Variants in EFCAB11 observed in about 807,000 individuals in gnomAD.
EFCAB11 encodes the protein EF-hand calcium binding domain 11, also known as EF-hand calcium-binding domain-containing protein 11.
A neutral mutation model predicts 23.0 loss-of-function variants in EFCAB11; 14 were observed. That is an observed-to-expected ratio of 0.61 (90% CI 0.40 to 0.95). EFCAB11 has a LOEUF of 0.95. Among genes scored for constraint, EFCAB11 ranks in the 40% least tolerant of loss-of-function variants. The pLI is 0.00. For missense variants in EFCAB11, 198 were observed against 195.8 expected (o/e 1.01, Z -0.07); for synonymous variants, 65 against 66.6 (o/e 0.98, Z 0.11).
chr14:89,887,588 T>C (rs1264756932), intron 5 of EFCAB11, among the ~76,000 whole-genome samples: 1 of 152,208 alleles, frequency 6.6e-6, no homozygotes. Flanking sequence ...GGTATTAAAT[T>C]GAAATAAAGT....
chr14:89,892,547 A>G (rs1889005916), intron 5 of EFCAB11: 1 of 934,790 alleles, frequency 1.1e-6, no homozygotes, highest in Non-Finnish European at 1.6e-6. Flanking sequence ...GGGTTCATAT[A>G]AACAGTATCC....
At chr14:89,935,898 G>C (rs1316357726) in intron 3 of EFCAB11, among the ~76,000 whole-genome samples, 1 of 151,930 alleles carries the variant, frequency 6.6e-6, no homozygotes, top group Non-Finnish European at 1.5e-5. Context: ...ATCCCAGCTA[G>C]TCAGGAGGCT....
chr14:89,946,388 T>C (rs748270765), intron 3 of EFCAB11, among the ~76,000 whole-genome samples: 46 of 152,340 alleles, frequency 3.0e-4, no homozygotes, highest in Non-Finnish European at 4.6e-4. Flanking sequence ...TAAAGTGGGC[T>C]TCTAGGCAAC....
At chr14:89,894,297 G>A (rs191508436) in intron 5 of EFCAB11, among the ~76,000 whole-genome samples, 5 of 151,732 alleles carry the variant, frequency 3.3e-5, no homozygotes, top group African/African-American at 9.7e-5. Context: ...TGTGCGGAAC[G>A]TGCAGGTTTG....
chr14:89,856,045 T>G (rs753707564), intron 5 of EFCAB11, among the ~76,000 whole-genome samples: 2 of 152,210 alleles, frequency 1.3e-5, no homozygotes, highest in Non-Finnish European at 1.5e-5. Flanking sequence ...TCTTAGGTTG[T>G]TTCTATATCT....
chr14:89,899,618 A>G (rs1355956844), intron 5 of EFCAB11, among the ~76,000 whole-genome samples: 1 of 152,266 alleles, frequency 6.6e-6, no homozygotes, highest in East Asian at 1.9e-4. Flanking sequence ...AGAATATGTA[A>G]AGAGCCCCTA....
chr14:89,834,795 G>A (rs946363088), intron 5 of EFCAB11, among the ~76,000 whole-genome samples: 7 of 152,314 alleles, frequency 4.6e-5, no homozygotes, highest in Middle Eastern at 3.4e-3. Context: ...AGAAGTGACT[G>A]CAGCTTAATG....
At chr14:89,918,727 G>A (rs1297642945) in intron 5 of EFCAB11, among the ~76,000 whole-genome samples, 1 of 151,902 alleles carries the variant, frequency 6.6e-6, no homozygotes, top group Non-Finnish European at 1.5e-5. Flanking sequence ...TACAGAGAGA[G>A]CAAGAGATTT....
intron 5 of EFCAB11, among the ~76,000 whole-genome samples, chr14:89,861,990 A>G (rs1887939226): frequency 6.6e-6 from 1 of 152,200 alleles, no homozygotes; most frequent in Non-Finnish European, 1.5e-5. Context: ...TTAAACATGA[A>G]ATTCCTTCTT....
At chr14:89,805,284 C>T (rs964973441) in intron 5 of EFCAB11, among the ~76,000 whole-genome samples, 6 of 152,206 alleles carry the variant, frequency 3.9e-5, no homozygotes, top group Non-Finnish European at 8.8e-5. Flanking sequence ...AGTGGGAGCT[C>T]ACTGGCCTTA....
chr14:89,942,894 T>A (rs1890840387), intron 3 of EFCAB11, among the ~76,000 whole-genome samples: 1 of 152,220 alleles, frequency 6.6e-6, no homozygotes, highest in South Asian at 2.1e-4. Context: ...TGAAATGACC[T>A]ACTTTTCAAG....
chr14:89,923,642 T>C (rs17223607), intron 5 of EFCAB11: 36,164 of 972,252 alleles, frequency 0.037, 728 homozygotes, highest in Middle Eastern at 0.054. Context: ...TTTTTATGGA[T>C]GTTTCTATAC....
intron 5 of EFCAB11, among the ~76,000 whole-genome samples, chr14:89,809,322 T>C (rs917205450): frequency 2.6e-5 from 4 of 152,202 alleles, no homozygotes; most frequent in African/African-American, 9.6e-5. Flanking sequence ...GAGCTCTCCC[T>C]ACCCTTGGGA....
At chr14:89,832,379 G>C (rs1886915336) in intron 5 of EFCAB11, among the ~76,000 whole-genome samples, 1 of 152,070 alleles carries the variant, frequency 6.6e-6, no homozygotes, top group African/African-American at 2.4e-5. Context: ...GTTTTTGCTT[G>C]GCTAGCACAG....
intron 5 of EFCAB11, among the ~76,000 whole-genome samples, chr14:89,829,547 T>C (rs1395921483): frequency 1.3e-5 from 2 of 152,188 alleles, no homozygotes; most frequent in African/African-American, 4.8e-5. Flanking sequence ...GTTGAAGATA[T>C]GAATTGGACA....
chr14:89,885,673 T>C (rs1362048307), intron 5 of EFCAB11, among the ~76,000 whole-genome samples: 1 of 139,422 alleles, frequency 7.2e-6, no homozygotes, highest in Non-Finnish European at 1.5e-5. Flanking sequence ...CAAGACTCTG[T>C]TGAAAAAAAA....
At chr14:89,847,548 T>C (rs1887468901) in intron 5 of EFCAB11, among the ~76,000 whole-genome samples, 1 of 152,016 alleles carries the variant, frequency 6.6e-6, no homozygotes, top group African/African-American at 2.4e-5. Context: ...AAGACCAGCC[T>C]GACCAACATG....
chr14:89,894,394 G>A (rs1418066725), intron 5 of EFCAB11, among the ~76,000 whole-genome samples: 4 of 151,716 alleles, frequency 2.6e-5, no homozygotes, highest in African/African-American at 4.9e-5. Flanking sequence ...TTAGGTATTT[G>A]TCCTAATGCT....
At chr14:89,903,557 T>C (rs934260658) in intron 5 of EFCAB11, among the ~76,000 whole-genome samples, 5 of 145,834 alleles carry the variant, frequency 3.4e-5, no homozygotes, top group Non-Finnish European at 5.9e-5. Context: ...TGTTTCCTTA[T>C]AATGGGTAAA....
Sources: gnomAD v4.1 joint callset for allele counts (sites outside exome capture counted in the v4.1 genomes callset) on GRCh38, gnomAD v4.1.1 for gene constraint, MANE v1.5 for transcripts, NCBI Gene and HGNC (gene_info 2026-07-23, HGNC 2026-07-21) for gene names.